Variants in HNRNPA2B1 observed in about 807,000 individuals in gnomAD.
The protein encoded by HNRNPA2B1 is heterogeneous nuclear ribonucleoprotein A2/B1.
A neutral mutation model predicts 46.3 loss-of-function variants in HNRNPA2B1; 3 were observed. The ratio of observed to expected loss-of-function variants is 0.06; its 90% CI spans 0.03 to 0.17. The LOEUF is 0.17. Ranked by LOEUF, HNRNPA2B1 falls within the 10% of genes least tolerant of loss-of-function variation. The pLI, the probability that HNRNPA2B1 is intolerant of heterozygous loss-of-function variation, is 1.00. For missense variants in HNRNPA2B1, 221 were observed against 418.9 expected (o/e 0.53, Z 4.12); for synonymous variants, 225 against 133.8 (o/e 1.68, Z -4.70).
rs747870481 is a variant in HNRNPA2B1 at position 26,195,927 on chromosome 7, A to C, written c.659-18T>G. Reference sequence around the variant, plus strand: ...ATATCCATCTGTTAGGGGCCAAAAAAAGATTACGTTTACTATAAACTGTTC... The same window carrying C: ...ATATCCATCTGTTAGGGGCCAAAAACAGATTACGTTTACTATAAACTGTTC... On this transcript the variant is annotated intron_variant, in intron 6 of 10. Coordinates refer to ENST00000618183, the MANE Select transcript of HNRNPA2B1 (RefSeq NM_002137.4). 4 of 1,596,346 alleles carry C rather than the reference A, an allele frequency of 2.5e-6. No individual in the cohort carries two copies. Among genetic ancestry groups the C allele is most frequent in the Non-Finnish European group, 2.6e-6 (3 of 1,175,434 alleles).
Position 26,195,400 on chromosome 7 carries a change from G to A in HNRNPA2B1, c.721+447C>T, listed in dbSNP as rs541546655. Among the ~76,000 whole-genome samples, 8 of 152,334 alleles carry A rather than the reference G, an allele frequency of 5.3e-5. No individual in the cohort carries two copies. In the East Asian group the frequency reaches 7.7e-4, roughly 15 times the overall value. ...TTCACAACCTTATCTGCAGCCAGGA[G>A]CACACTAAACATTTTGGAACATTTC... On this transcript the variant is annotated intron_variant, in intron 7 of 10. Coordinates refer to ENST00000618183, the MANE Select transcript of HNRNPA2B1 (RefSeq NM_002137.4).
In HNRNPA2B1 at chr7:26,197,297, C is replaced by G. The variant is rs761684134; in HGVS notation, c.264+18G>C. ...GCGTTCTTCATGTTAATGCACAAGA[C>G]AGTCATTGTTTGCTTACCTCTCTTG... On this transcript the variant is annotated intron_variant, in intron 3 of 10. Transcript: ENST00000618183. The G allele has an allele frequency of 5.0e-6, 8 of 1,595,442 alleles. No individual in the cohort carries two copies. In the South Asian group the frequency reaches 9.0e-5, roughly 18 times the overall value.
intron 9 of HNRNPA2B1, 112 bp from the exon 10 acceptor site, chr7:26,192,689 T>C: frequency 1.2e-6 from 1 of 866,708 alleles, no homozygotes; most frequent in South Asian, 1.5e-5. Context: ...AACAAGCAGA[T>C]CCTAATCCTT....
chr7:26,198,028 T>TAA (rs199985423), intron 1 of HNRNPA2B1: 13 of 412,274 alleles, frequency 3.2e-5, no homozygotes, highest in East Asian at 3.0e-4. Flanking sequence ...AATTATTAAT[T>TAA]AAAAAAAAAA....
intron 1 of HNRNPA2B1, chr7:26,198,203 C>A (rs948626010): frequency 4.9e-6 from 1 of 202,862 alleles, no homozygotes; most frequent in Non-Finnish European, 9.7e-6. Flanking sequence ...TTTTATTTCA[C>A]TATTCAATAT....
intron 7 of HNRNPA2B1, 89 bp downstream of exon 7, chr7:26,195,758 T>C (rs1583984836): frequency 7.0e-7 from 1 of 1,430,826 alleles, no homozygotes; most frequent in African/African-American, 1.5e-5. Context: ...ATATAAAATG[T>C]TTAAAAACTC....
intron 6 of HNRNPA2B1, 45 bp downstream of exon 6, chr7:26,196,356 A>T: frequency 6.8e-7 from 1 of 1,466,254 alleles, no homozygotes; most frequent in Non-Finnish European, 9.4e-7. Context: ...CATATTTAAA[A>T]TAAAAGCACA....
chr7:26,197,170 T>C (rs779914842), intron 3 of HNRNPA2B1, 145 bp downstream of exon 3: 109 of 1,184,248 alleles, frequency 9.2e-5, no homozygotes, highest in Middle Eastern at 4.0e-4. Flanking sequence ...AAAAATAAGC[T>C]AGCTTAAGAA....
chr7:26,194,106 A>G (rs540277918), intron 7 of HNRNPA2B1, among the ~76,000 whole-genome samples: 5 of 152,322 alleles, frequency 3.3e-5, no homozygotes, highest in African/African-American at 9.6e-5. Flanking sequence ...TCTTAAAACA[A>G]TGTTCTCGGT....
Position 26,196,615 on chromosome 7 carries a change from T to C in HNRNPA2B1, c.519A>G (p.Arg173=), listed in dbSNP as rs34317198. Residue 173 remains arginine (R), a synonymous_variant, in exon 5 of 11, where the codon AGA becomes AGG. Transcript: ENST00000618183. The part of the protein sequence containing the change: ...HTINGHNAEV[R]KALSRQEMQE... ...GCATTTCTTGTCTAGACAAAGCCTT[T>C]CTTACTTCTGCATTATGACCATTGA... 13,803 of 1,614,040 alleles carry C rather than the reference T, an allele frequency of 8.6e-3. 1,017 individuals are homozygous for C. The African/African-American group carries it at 0.16, about 19-fold the overall frequency.
At position 26,190,657 on chromosome 7, in the gene HNRNPA2B1, A is replaced by AC. The variant is rs1195643196; in HGVS notation, c.*1702dup. ...TCTAAGGAATGAATTTCAACAGCCAACCTACAACTTTCTCTTCAGGGTAAG... is the reference window on the plus strand; with the variant it reads ...TCTAAGGAATGAATTTCAACAGCCAACCCTACAACTTTCTCTTCAGGGTAAG... On this transcript the variant is annotated 3_prime_UTR_variant, in exon 11 of 11. Coordinates refer to ENST00000618183, the MANE Select transcript of HNRNPA2B1 (RefSeq NM_002137.4). 1 of 152,174 alleles carries AC rather than the reference A, an allele frequency of 6.6e-6. No homozygotes were observed. Among genetic ancestry groups the AC allele is most frequent in the Non-Finnish European group, 1.5e-5 (1 of 68,012 alleles). The allele number at this position is 152,174 out of a possible 1,614,324, so 9.4% of individuals were successfully genotyped here. A position where few individuals can be genotyped will look rare whatever the true frequency, so the allele number is the denominator to read the frequency against.
Position 26,194,072 on chromosome 7 carries a change from T to TTA in HNRNPA2B1, c.722-380_722-379dup, listed in dbSNP as rs761045903. Among the ~76,000 whole-genome samples, 226 of 152,328 alleles carry TTA rather than the reference T, an allele frequency of 1.5e-3. 1 individual carries two copies. The highest frequency in any genetic ancestry group is 2.3e-3 in the Non-Finnish European group (159 of 68,038). Reference sequence around the variant, plus strand: ...ACTGGCCCAAAAGATAAAGTTTCTATTATGTCTCTCTACGAATTACATATC... The same window carrying TTA: ...ACTGGCCCAAAAGATAAAGTTTCTATTATATGTCTCTCTACGAATTACATATC... On this transcript the variant is annotated intron_variant, in intron 7 of 10. Coordinates refer to ENST00000618183, the MANE Select transcript of HNRNPA2B1 (RefSeq NM_002137.4).
At chr7:26,192,640 A>G (rs2128107947) in intron 9 of HNRNPA2B1, 63 bp from the exon 10 acceptor site, 3 of 1,296,290 alleles carry the variant, frequency 2.3e-6, no homozygotes, top group East Asian at 2.3e-5. Context: ...TCAGCCTAAC[A>G]CTACAGTTGA....
chr7:26,195,593 C>T (rs1470961326), intron 7 of HNRNPA2B1: 1 of 475,664 alleles, frequency 2.1e-6, no homozygotes, highest in East Asian at 3.9e-5. Flanking sequence ...TATCTAGATC[C>T]AATCATTTTG....
chr7:26,190,232 C>CA lies in HNRNPA2B1; in HGVS notation c.*2127dup. On this transcript the variant is annotated 3_prime_UTR_variant, in exon 11 of 11. Transcript: ENST00000618183. ...AACATGATACATTTATCTCTCTAGC[C>CA]AATTTGATGTTACTGTTTTACAAAC... is the stretch of plus-strand genomic sequence containing the variant. The CA allele has an allele frequency of 6.6e-6, 1 of 152,566 alleles. No homozygotes were observed. The highest frequency in any genetic ancestry group is 1.5e-5 in the Non-Finnish European group (1 of 68,012). 9.5% of individuals were successfully genotyped at this position (152,566 alleles called of 1,614,324 possible).
At chr7:26,195,350 T>C (rs769335020) in intron 7 of HNRNPA2B1, among the ~76,000 whole-genome samples, 1 of 152,194 alleles carries the variant, frequency 6.6e-6, no homozygotes, top group Non-Finnish European at 1.5e-5. Context: ...GCCAATGATA[T>C]ATCACACTTC....
rs1233446991 is a variant in HNRNPA2B1, at chr7:26,191,190, A to C, written c.*1170T>G. 2 of 116,892 alleles carry C rather than the reference A, an allele frequency of 1.7e-5. No homozygotes were observed. Among genetic ancestry groups the C allele is most frequent in the Admixed American group, 2.0e-4 (2 of 10,140 alleles). 7.2% of individuals were successfully genotyped at this position (116,892 alleles called of 1,614,324 possible). ...CACCCAAATCTTCACATGGAGGGGG[A>C]GGGGGTGGGAAAAGAAGGAAAAAAA... On this transcript the variant is annotated 3_prime_UTR_variant, in exon 11 of 11. Coordinates refer to ENST00000618183, the MANE Select transcript of HNRNPA2B1 (RefSeq NM_002137.4).
intron 1 of HNRNPA2B1, 130 bp from the exon 2 acceptor site, chr7:26,197,862 G>C (rs1209127927): frequency 1.9e-6 from 3 of 1,590,096 alleles, no homozygotes; most frequent in Admixed American, 1.8e-5. Context: ...AGTTTCTAAA[G>C]TTTTCTGGGG....
At position 26,194,272 on chromosome 7, in the gene HNRNPA2B1, T is replaced by TGTA. The variant is rs201035334; in HGVS notation, c.722-581_722-579dup. Among the ~76,000 whole-genome samples the TGTA allele has an allele frequency of 5.5e-3, 834 of 152,222 alleles. 5 individuals are homozygous for TGTA. The highest frequency in any genetic ancestry group is 0.019 in the African/African-American group (801 of 41,530). On this transcript the variant is annotated intron_variant, in intron 7 of 10. Coordinates refer to ENST00000618183, the MANE Select transcript of HNRNPA2B1 (RefSeq NM_002137.4). ...TTAGCCGGACATGGTGGCAGCAACC[T>TGTA]GTAGTACTAGCTACTCTGGAGGCTG...
Sources: allele counts gnomAD v4.1 joint callset (sites outside exome capture counted in the v4.1 genomes callset), GRCh38; gene constraint gnomAD v4.1.1; transcripts MANE v1.5; gene names NCBI Gene and HGNC (gene_info 2026-07-23, HGNC 2026-07-21).